SORCS2: variants seen among roughly 807,000 people sequenced by gnomAD.
The protein encoded by SORCS2 is VPS10 domain-containing receptor SorCS2.
SORCS2 carries 100 observed loss-of-function variants against 141.6 expected under a neutral mutation model. The observed-to-expected ratio is 0.71, with a 90% CI of 0.60 to 0.83. The LOEUF (loss-of-function observed/expected upper bound fraction) is 0.83, where lower values mean the gene tolerates loss of function less well. SORCS2 is among the 40% of genes least tolerant of loss of function. The pLI, the probability that SORCS2 is intolerant of heterozygous loss-of-function variation, is 0.00. For synonymous variants in SORCS2, 789 were observed against 676.9 expected (o/e 1.17, Z -2.57); for missense variants, 1,646 against 1,560.2 (o/e 1.05, Z -0.93).
At chr4:7,621,231 T>G (rs897377303) in intron 3 of SORCS2, among the ~76,000 whole-genome samples, 1 of 152,066 alleles carries the variant, frequency 6.6e-6, no homozygotes, top group Non-Finnish European at 1.5e-5. Flanking sequence ...GGGCACAGGG[T>G]CTTTCCTGGG....
At chr4:7,450,729 ATGAG>A (rs1728379682) in intron 2 of SORCS2, among the ~76,000 whole-genome samples, 1 of 152,160 alleles carries the variant, frequency 6.6e-6, no homozygotes, top group Non-Finnish European at 1.5e-5. Context: ...GAGTGCATGA[ATGAG>A]TGACTGAATG....
At chr4:7,250,046 A>C (rs1713385903) in intron 1 of SORCS2, among the ~76,000 whole-genome samples, 1 of 152,176 alleles carries the variant, frequency 6.6e-6, no homozygotes, top group Admixed American at 6.5e-5. Flanking sequence ...GTTTGAGACC[A>C]GTCTGGCCAA....
chr4:7,209,174 C>T (rs962392388), intron 1 of SORCS2, among the ~76,000 whole-genome samples: 10 of 152,340 alleles, frequency 6.6e-5, no homozygotes, highest in East Asian at 5.8e-4. Context: ...GGTCTTGCCC[C>T]GGTGCCGGAC....
chr4:7,737,409 G>C (rs1329819392), intron 26 of SORCS2, among the ~76,000 whole-genome samples: 1 of 152,098 alleles, frequency 6.6e-6, no homozygotes, highest in African/African-American at 2.4e-5. Context: ...TGGACGCTGA[G>C]GGCCCCATCC....
intron 2 of SORCS2, among the ~76,000 whole-genome samples, chr4:7,445,674 C>G (rs1309857075): frequency 2.0e-5 from 3 of 152,184 alleles, no homozygotes; most frequent in African/African-American, 7.2e-5. Flanking sequence ...AAACGCTTCT[C>G]TAAGTGGCAT....
chr4:7,307,923 AGT>A (rs1306178615), intron 1 of SORCS2, among the ~76,000 whole-genome samples: 1 of 151,764 alleles, frequency 6.6e-6, no homozygotes, highest in Non-Finnish European at 1.5e-5. Context: ...TGTGTGCATG[AGT>A]GTGCATGCAT....
chr4:7,239,736 G>C (rs186361347), intron 1 of SORCS2, among the ~76,000 whole-genome samples: 1 of 152,358 alleles, frequency 6.6e-6, no homozygotes, highest in African/African-American at 2.4e-5. Context: ...TGGCCGAAAA[G>C]TTCTGAAAAG....
chr4:7,473,885 C>T (rs1684543498), intron 2 of SORCS2, among the ~76,000 whole-genome samples: 2 of 152,208 alleles, frequency 1.3e-5, no homozygotes, highest in African/African-American at 2.4e-5. Context: ...CCCACTTCAC[C>T]TCCTTCCAGT....
rs960921001 is a variant in SORCS2, at chr4:7,490,483, G to A, written c.549-41047G>A. Among the ~76,000 whole-genome samples, 6 of 151,488 alleles carry A rather than the reference G, an allele frequency of 4.0e-5. No individual in the cohort carries two copies. The East Asian group carries it at 9.7e-4, about 24-fold the overall frequency. On this transcript the variant is annotated intron_variant, in intron 2 of 26. Transcript: ENST00000507866. ...TGGTCTTTTAGAGCCTTTGTCCTAG[G>A]GACCATGCTAGCACCCCAGAATTGC...
At chr4:7,737,648 C>G (rs1482793421) in intron 26 of SORCS2, among the ~76,000 whole-genome samples, 1 of 152,224 alleles carries the variant, frequency 6.6e-6, no homozygotes, top group Non-Finnish European at 1.5e-5. Flanking sequence ...AGCATTTCCA[C>G]TGATGGGATC....
intron 3 of SORCS2, among the ~76,000 whole-genome samples, chr4:7,623,013 G>A (rs995499478): frequency 3.9e-5 from 6 of 152,036 alleles, no homozygotes; most frequent in Non-Finnish European, 8.8e-5. Context: ...ACTGATGACC[G>A]ATGGCATATG....
chr4:7,228,068 TG>T (rs1711545538), intron 1 of SORCS2, among the ~76,000 whole-genome samples: 1 of 152,140 alleles, frequency 6.6e-6, no homozygotes, highest in East Asian at 1.9e-4. Flanking sequence ...GACTGCAGGC[TG>T]GGGGCTTCCA....
At chr4:7,214,530 C>G (rs1435384644) in intron 1 of SORCS2, among the ~76,000 whole-genome samples, 1 of 152,216 alleles carries the variant, frequency 6.6e-6, no homozygotes, top group African/African-American at 2.4e-5. Context: ...AAGGCAGAGG[C>G]TGGGCAGATT....
chr4:7,623,252 A>G (rs909162695), intron 3 of SORCS2, among the ~76,000 whole-genome samples: 8 of 152,148 alleles, frequency 5.3e-5, no homozygotes, highest in East Asian at 1.9e-4. Context: ...GGAGACACCA[A>G]TATTCCTGCC....
intron 3 of SORCS2, among the ~76,000 whole-genome samples, chr4:7,600,387 T>C (rs1717578852): frequency 6.6e-6 from 1 of 152,168 alleles, no homozygotes; most frequent in African/African-American, 2.4e-5. Context: ...GTGATCCACA[T>C]GCCAGGCGCT....
At position 7,557,691 on chromosome 4, in the gene SORCS2, G is replaced by A. The variant is rs543862774; in HGVS notation, c.648+26062G>A. ...CCTATGTATGAGTCATTTGAAGCAC[G>A]TTGCTTTGCAAATGCCCAGGGAAAA... On this transcript the variant is annotated intron_variant, in intron 3 of 26. Transcript: ENST00000507866. 3.3e-5 allele frequency among the ~76,000 whole-genome samples: 5 copies of A among 152,304 alleles called. No homozygotes were observed. The South Asian group carries it at 1.0e-3, about 32-fold the overall frequency.
intron 1 of SORCS2, among the ~76,000 whole-genome samples, chr4:7,296,860 G>A (rs1050396342): frequency 1.3e-5 from 2 of 152,172 alleles, no homozygotes; most frequent in Admixed American, 6.5e-5. Flanking sequence ...TGGCTCTCGG[G>A]GACAGAAGAG....
At chr4:7,195,225 C>T (rs929063477) in intron 1 of SORCS2, among the ~76,000 whole-genome samples, 1 of 151,388 alleles carries the variant, frequency 6.6e-6, no homozygotes, top group African/African-American at 2.4e-5. Flanking sequence ...GGGTGGGGGC[C>T]AATGTTGGCT....
chr4:7,316,019 C>A (rs1243508911), intron 1 of SORCS2, among the ~76,000 whole-genome samples: 2 of 151,664 alleles, frequency 1.3e-5, no homozygotes, highest in African/African-American at 4.8e-5. Context: ...CCTTTCTATC[C>A]ACCCATTCAT....
Sources: gnomAD v4.1 joint callset for allele counts (sites outside exome capture counted in the v4.1 genomes callset) on GRCh38, gnomAD v4.1.1 for gene constraint, MANE v1.5 for transcripts, NCBI Gene and HGNC (gene_info 2026-07-23, HGNC 2026-07-21) for gene names.